The following MRTFB variants were observed in gnomAD, a reference collection of about 807,000 sequenced individuals.
MRTFB encodes the protein myocardin-related transcription factor B.
A neutral mutation model predicts 104.2 loss-of-function variants in MRTFB; 29 were observed. The ratio of observed to expected loss-of-function variants is 0.28; its 90% CI spans 0.21 to 0.38. MRTFB has a LOEUF of 0.38. MRTFB is among the 10% of genes least tolerant of loss of function. The pLI, the probability that MRTFB is intolerant of heterozygous loss-of-function variation, is 1.00. For missense variants in MRTFB, 1,270 were observed against 1,341.6 expected (o/e 0.95, Z 0.83); for synonymous variants, 535 against 519.5 (o/e 1.03, Z -0.41).
At chr16:14,194,111 T>C (rs1024236902) in intron 3 of MRTFB, among the ~76,000 whole-genome samples, 6 of 152,232 alleles carry the variant, frequency 3.9e-5, no homozygotes, top group Non-Finnish European at 8.8e-5. Flanking sequence ...AAGATAGCTT[T>C]ATCAGGGTTT....
At chr16:14,249,436 C>T (rs1185515965) in intron 13 of MRTFB, among the ~76,000 whole-genome samples, 1 of 152,156 alleles carries the variant, frequency 6.6e-6, no homozygotes, top group Non-Finnish European at 1.5e-5. Flanking sequence ...ATGCTGTTCC[C>T]TTGGAAAAGG....
the MRTFB span, among the ~76,000 whole-genome samples, chr16:14,004,441 G>C: frequency 1.3e-5 from 2 of 152,196 alleles, no homozygotes; most frequent in Non-Finnish European, 2.9e-5. Flanking sequence ...TCACGGTGGG[G>C]TTACTGTGGG....
At chr16:14,059,972 T>C in the MRTFB span, among the ~76,000 whole-genome samples, 1 of 150,914 alleles carries the variant, frequency 6.6e-6, no homozygotes, top group Non-Finnish European at 1.5e-5. Context: ...TCAATATTCA[T>C]ATCTGGAAAA....
chr16:14,243,672 T>A (rs1273881354), intron 10 of MRTFB, among the ~76,000 whole-genome samples: 1 of 152,124 alleles, frequency 6.6e-6, no homozygotes, highest in Admixed American at 6.5e-5. Context: ...TAAGTAAGCT[T>A]TTTAAATTGA....
the MRTFB span, among the ~76,000 whole-genome samples, chr16:14,024,524 C>G: frequency 0.91 from 137,930 of 152,228 alleles, 62,711 homozygotes; most frequent in Non-Finnish European, 0.94. Context: ...ATTAAAAACA[C>G]GCATTTCTCA....
At chr16:14,215,250 A>G (rs1162155387) in intron 6 of MRTFB, among the ~76,000 whole-genome samples, 1 of 152,202 alleles carries the variant, frequency 6.6e-6, no homozygotes, top group African/African-American at 2.4e-5. Flanking sequence ...ACCATAAGTG[A>G]TGTTTTTAGG....
intron 10 of MRTFB, among the ~76,000 whole-genome samples, chr16:14,242,060 C>T (rs1370667799): frequency 6.6e-6 from 1 of 151,790 alleles, no homozygotes; most frequent in Admixed American, 6.6e-5. Flanking sequence ...GTGCTTAAAA[C>T]CGTGCATCAT....
chr16:14,252,850 C>CAA (rs2043311346), intron 15 of MRTFB, among the ~76,000 whole-genome samples: 1 of 152,124 alleles, frequency 6.6e-6, no homozygotes, highest in South Asian at 2.1e-4. Context: ...CACCATGTGT[C>CAA]AGGCCAGCAT....
At chr16:14,219,059 T>C (rs2041565136) in intron 8 of MRTFB, 61 bp downstream of exon 8, 1 of 1,468,910 alleles carries the variant, frequency 6.8e-7, no homozygotes, top group South Asian at 1.4e-5. Flanking sequence ...TTTTAATATA[T>C]TAAGGTAATA....
intron 2 of MRTFB, among the ~76,000 whole-genome samples, chr16:14,130,527 A>G (rs928320702): frequency 6.6e-6 from 1 of 152,222 alleles, no homozygotes; most frequent in Non-Finnish European, 1.5e-5. Flanking sequence ...ATATTCCTCT[A>G]ATATGTGAGT....
At chr16:14,216,195 G>A (rs762636116) in intron 6 of MRTFB, among the ~76,000 whole-genome samples, 5 of 152,162 alleles carry the variant, frequency 3.3e-5, no homozygotes, top group Admixed American at 6.5e-5. Flanking sequence ...TGCTTTCAGT[G>A]AGCCTTGGGC....
At chr16:14,093,512 G>A (rs2035199521) in intron 2 of MRTFB, among the ~76,000 whole-genome samples, 1 of 151,958 alleles carries the variant, frequency 6.6e-6, no homozygotes, top group Non-Finnish European at 1.5e-5. Context: ...TAATTTAGTA[G>A]AGCATTTCTA....
At chr16:14,073,423 T>C (rs1369430476) in intron 1 of MRTFB, among the ~76,000 whole-genome samples, 1 of 152,242 alleles carries the variant, frequency 6.6e-6, no homozygotes, top group East Asian at 1.9e-4. Flanking sequence ...TAGTCAATTA[T>C]AATAGGAATT....
At position 14,234,178 on chromosome 16, in the gene MRTFB, C is replaced by T. The variant is rs2042394731; in HGVS notation, c.726C>T (p.Phe242=). The part of the protein sequence containing the change: ...FASVSPTVPE[F]LKTPPTADQP... ...CAGTGTCCCCAACAGTTCCTGAATT[C>T]TTGAAAACTCCTCCAACTGCAGATC... The change falls in exon 9 of 17, where the codon TTC becomes TTT. Residue 242 remains phenylalanine (F), a synonymous_variant. Coordinates refer to ENST00000571589, the MANE Select transcript of MRTFB (RefSeq NM_001308142.2). 6.2e-7 allele frequency: 1 copy of T among 1,614,008 alleles called. No individual in the cohort carries two copies. Among genetic ancestry groups the T allele is most frequent in the African/African-American group, 1.3e-5 (1 of 74,908 alleles).
chr16:14,227,164 G>A (rs2042040939), intron 8 of MRTFB, among the ~76,000 whole-genome samples: 1 of 151,948 alleles, frequency 6.6e-6, no homozygotes. Flanking sequence ...TTAGAGGTAG[G>A]GCCTAATGGG....
chr16:14,242,602 G>A (rs1288993472), intron 10 of MRTFB, among the ~76,000 whole-genome samples: 1 of 152,080 alleles, frequency 6.6e-6, no homozygotes, highest in Non-Finnish European at 1.5e-5. Context: ...CACCACAAAG[G>A]AGCAAGCGCC....
At chr16:14,099,893 C>T (rs896807195) in intron 2 of MRTFB, among the ~76,000 whole-genome samples, 10 of 152,092 alleles carry the variant, frequency 6.6e-5, no homozygotes, top group African/African-American at 2.2e-4. Context: ...GTCTCGAACT[C>T]CTGACCTCAG....
intron 8 of MRTFB, among the ~76,000 whole-genome samples, chr16:14,224,752 A>G (rs976974038): frequency 3.3e-5 from 5 of 152,372 alleles, no homozygotes; most frequent in Admixed American, 3.3e-4. Flanking sequence ...TTTCAAAAAT[A>G]AAGGAGAAAT....
chr16:14,215,000 A>G (rs1158809054), intron 6 of MRTFB: 1 of 152,194 alleles, frequency 6.6e-6, no homozygotes, highest in Non-Finnish European at 1.5e-5. Context: ...GGATAAGTGA[A>G]TCTTCAAAGA....
Sources: gnomAD v4.1 joint callset for allele counts (sites outside exome capture counted in the v4.1 genomes callset) on GRCh38, gnomAD v4.1.1 for gene constraint, MANE v1.5 for transcripts, NCBI Gene and HGNC (gene_info 2026-07-23, HGNC 2026-07-21) for gene names.